GRAMD1B: variants seen among roughly 807,000 people sequenced by gnomAD.
GRAMD1B encodes the protein protein Aster-B.
GRAMD1B carries 37 observed loss-of-function variants against 99.7 expected under a neutral mutation model. The ratio of observed to expected loss-of-function variants is 0.37; its 90% CI spans 0.29 to 0.49. The LOEUF (loss-of-function observed/expected upper bound fraction) is 0.49. Ranked by LOEUF, GRAMD1B falls within the 20% of genes least tolerant of loss-of-function variation. The pLI is 0.98. For missense variants in GRAMD1B, 888 were observed against 1,009.2 expected (o/e 0.88, Z 1.63); for synonymous variants, 427 against 387.6 (o/e 1.10, Z -1.19).
chr11:123,587,691 C>T lies in GRAMD1B; in HGVS notation c.684+3359C>T, dbSNP rs1024534045. 6.6e-6 allele frequency among the ~76,000 whole-genome samples: 1 copy of T among 152,188 alleles called. No homozygotes were observed. The highest frequency in any genetic ancestry group is 3.2e-3 in the Middle Eastern group (1 of 316). ...CCCAGACCCTGGCAGCCGCCTGAGACTTAGCACCCTGCTTGCCTGAAGCAC... is the reference window on the plus strand; with the variant it reads ...CCCAGACCCTGGCAGCCGCCTGAGATTTAGCACCCTGCTTGCCTGAAGCAC... On this transcript the variant is annotated intron_variant, in intron 4 of 19. Coordinates refer to ENST00000635736, the MANE Select transcript of GRAMD1B (RefSeq NM_001387025.1). The surrounding 1 kb of genome is among the most constrained non-coding windows in gnomAD (Gnocchi z 4.2).
chr11:123,470,029 G>A (rs942667548), intron 1 of GRAMD1B, among the ~76,000 whole-genome samples: 2 of 152,114 alleles, frequency 1.3e-5, no homozygotes, highest in African/African-American at 4.8e-5. Context: ...AAAGTATGGG[G>A]AAATAGAGTC....
At chr11:123,559,568 T>G in intron 2 of GRAMD1B, 1 of 519,822 alleles carries the variant, frequency 1.9e-6, no homozygotes, top group East Asian at 1.5e-4. Flanking sequence ...CTGCCAGAAC[T>G]TTCCTCTGGG....
At chr11:123,400,203 A>G (rs1254296559) in intron 1 of GRAMD1B, among the ~76,000 whole-genome samples, 1 of 152,124 alleles carries the variant, frequency 6.6e-6, no homozygotes, top group Non-Finnish European at 1.5e-5. Flanking sequence ...CAGGCCAGGC[A>G]TGGTAGCTCA....
intron 1 of GRAMD1B, among the ~76,000 whole-genome samples, chr11:123,362,087 A>G (rs1246213931): frequency 3.3e-5 from 5 of 152,242 alleles, no homozygotes; most frequent in Non-Finnish European, 7.3e-5. Context: ...TGGTCTGTTA[A>G]CCATCTTTCC....
At chr11:123,603,578 G>T (rs746131681) in intron 9 of GRAMD1B, 37 bp downstream of exon 9, 2 of 1,230,574 alleles carry the variant, frequency 1.6e-6, no homozygotes, top group Non-Finnish European at 2.4e-6. Flanking sequence ...AGAGGCAGCC[G>T]TGCGAGTGCC....
intron 1 of GRAMD1B, among the ~76,000 whole-genome samples, chr11:123,450,603 G>A (rs1255289901): frequency 1.3e-5 from 2 of 152,178 alleles, no homozygotes; most frequent in Non-Finnish European, 2.9e-5. Flanking sequence ...CTAAAATTTG[G>A]AAATCAAGAG....
At chr11:123,459,059 AGT>A (rs1329632111) in intron 1 of GRAMD1B, 9 of 152,310 alleles carry the variant, frequency 5.9e-5, no homozygotes, top group African/African-American at 1.9e-4. Context: ...AGTTTGGAAA[AGT>A]GTTTCTAGGA....
rs73614050 is a variant in GRAMD1B, at chr11:123,529,862, G to A, written c.453-47505G>A. 2.2e-3 allele frequency among the ~76,000 whole-genome samples: 338 copies of A among 152,228 alleles called. 2 individuals are homozygous for A. Among genetic ancestry groups the A allele is most frequent in the African/African-American group, 7.7e-3 (318 of 41,538 alleles). On this transcript the variant is annotated intron_variant, in intron 2 of 19. Transcript: ENST00000635736. Reference sequence around the variant, plus strand: ...AGGCAGACTGTAGTGACATCTGTCTGAATTCCCTGTCCTCGTGTTCCTGGC... The same window carrying A: ...AGGCAGACTGTAGTGACATCTGTCTAAATTCCCTGTCCTCGTGTTCCTGGC...
At chr11:123,390,366 G>A (rs1188158672) in intron 1 of GRAMD1B, among the ~76,000 whole-genome samples, 1 of 152,118 alleles carries the variant, frequency 6.6e-6, no homozygotes, top group East Asian at 1.9e-4. Context: ...CTGTCTCTGG[G>A]CATTGCTGAG....
chr11:123,377,566 G>A (rs1946730687), intron 1 of GRAMD1B, among the ~76,000 whole-genome samples: 1 of 152,180 alleles, frequency 6.6e-6, no homozygotes, highest in African/African-American at 2.4e-5. Flanking sequence ...AGCAGATGGG[G>A]AGACAAGGAG....
rs543849878 is a variant in GRAMD1B, at chr11:123,431,041, G to T, written c.249G>T (p.Thr83=). The T allele has an allele frequency of 5.7e-6, 4 of 703,014 alleles. No individual in the cohort carries two copies. The highest frequency in any genetic ancestry group is 4.4e-5 in the South Asian group (3 of 67,604). The allele number at this position is 703,014 out of a possible 1,614,324, so 43.5% of individuals were successfully genotyped here. A position where few individuals can be genotyped will look rare whatever the true frequency, so the allele number is the denominator to read the frequency against. Reference sequence around the variant, plus strand: ...TGCAGCTGCCGTCCATCGAGATCACGCCCTCCAGCGACGAGGACACCCCGT... The same window carrying T: ...TGCAGCTGCCGTCCATCGAGATCACTCCCTCCAGCGACGAGGACACCCCGT... The part of the protein sequence containing the change: ...EFLQLPSIEI[T]PSSDEDTPWS... The change falls in exon 1 of 20, where the codon ACG becomes ACT. Residue 83 remains threonine (T), a synonymous_variant. Transcript: ENST00000635736.
intron 4 of GRAMD1B, among the ~76,000 whole-genome samples, chr11:123,586,237 C>T (rs546459643): frequency 2.6e-5 from 4 of 152,278 alleles, no homozygotes; most frequent in East Asian, 1.9e-4. Flanking sequence ...CTGGGCGTGA[C>T]GGAGTCCTGC....
At position 123,625,856 on chromosome 11, in the gene GRAMD1B, C is replaced by T. The variant is rs1055006768; in HGVS notation, c.*3261C>T. 1 of 150,592 alleles carries T rather than the reference C, an allele frequency of 6.6e-6. No individual in the cohort carries two copies. Among genetic ancestry groups the T allele is most frequent in the African/African-American group, 2.4e-5 (1 of 40,886 alleles). The allele number at this position is 150,592 out of a possible 1,614,324, so 9.3% of individuals were successfully genotyped here. Reference sequence around the variant, plus strand: ...CCCAGTATTTAGAGGTGTGGTAGGGCAGTGTCTGCATTCCCAGGAGACCCA... The same window carrying T: ...CCCAGTATTTAGAGGTGTGGTAGGGTAGTGTCTGCATTCCCAGGAGACCCA... On this transcript the variant is annotated 3_prime_UTR_variant, in exon 20 of 20. Transcript: ENST00000635736.
At chr11:123,616,064 G>A (rs1275070) in intron 17 of GRAMD1B, among the ~76,000 whole-genome samples, 18 of 151,942 alleles carry the variant, frequency 1.2e-4, no homozygotes, top group African/African-American at 3.9e-4. Flanking sequence ...TGGCTCACAC[G>A]TGTAATCCCA....
At chr11:123,605,990 A>G (rs1952658090) in intron 10 of GRAMD1B, among the ~76,000 whole-genome samples, 1 of 152,220 alleles carries the variant, frequency 6.6e-6, no homozygotes, top group African/African-American at 2.4e-5. Context: ...TAGAGGAGGT[A>G]GAACCTTGAT....
intron 1 of GRAMD1B, among the ~76,000 whole-genome samples, chr11:123,398,210 G>C (rs1947535237): frequency 6.6e-6 from 1 of 152,112 alleles, no homozygotes; most frequent in Non-Finnish European, 1.5e-5. Flanking sequence ...ACCACAGACT[G>C]GATAATTTAT....
chr11:123,468,949 T>C (rs1229553208), intron 1 of GRAMD1B, among the ~76,000 whole-genome samples: 2 of 152,042 alleles, frequency 1.3e-5, no homozygotes, highest in Non-Finnish European at 2.9e-5. Context: ...GTTTATTTAA[T>C]TCTCCCAAAA....
At chr11:123,545,587 C>G (rs778023362) in intron 2 of GRAMD1B, among the ~76,000 whole-genome samples, 21 of 152,196 alleles carry the variant, frequency 1.4e-4, no homozygotes, top group Non-Finnish European at 2.1e-4. Flanking sequence ...GGGTAAGTTT[C>G]TCAGCCAATC....
chr11:123,489,461 G>A (rs944490808), intron 2 of GRAMD1B, among the ~76,000 whole-genome samples: 1 of 152,154 alleles, frequency 6.6e-6, no homozygotes, highest in Non-Finnish European at 1.5e-5. Context: ...GAAGACAAAG[G>A]AAGGAAGAAT....
Sources: allele counts gnomAD v4.1 joint callset (sites outside exome capture counted in the v4.1 genomes callset), GRCh38; gene constraint gnomAD v4.1.1; non-coding constraint Gnocchi (gnomAD v3.1); transcripts MANE v1.5; gene names NCBI Gene and HGNC (gene_info 2026-07-23, HGNC 2026-07-21).